TRIQK: variants seen among roughly 807,000 people sequenced by gnomAD.
TRIQK encodes triple QxxK/R motif-containing protein.
In TRIQK, 10 loss-of-function variants were observed where a neutral mutation model predicts 10.8. That is an observed-to-expected ratio of 0.92 (90% CI 0.57 to 1.57). The LOEUF (loss-of-function observed/expected upper bound fraction) is 1.57. Ranked by LOEUF, TRIQK falls within the 40% of genes most tolerant of loss-of-function variation. The probability of loss-of-function intolerance (pLI) is 0.00; values close to 1 mark genes in which losing one functional copy is unlikely to be tolerated. For synonymous variants in TRIQK, 33 were observed against 33.7 expected (o/e 0.98, Z 0.07); for missense variants, 107 against 97.7 (o/e 1.09, Z -0.40).
intron 4 of TRIQK, among the ~76,000 whole-genome samples, chr8:92,891,555 T>C (rs753791652): frequency 4.6e-5 from 7 of 151,868 alleles, no homozygotes; most frequent in African/African-American, 9.7e-5. Flanking sequence ...TATAATTTCA[T>C]CAGAGAGTAC....
intron 1 of TRIQK, among the ~76,000 whole-genome samples, chr8:92,985,307 G>A (rs1036337692): frequency 6.6e-6 from 1 of 152,200 alleles, no homozygotes; most frequent in African/African-American, 2.4e-5. Flanking sequence ...GGGAATGTCT[G>A]TAAAATTATT....
chr8:92,951,980 A>G (rs533982570), intron 2 of TRIQK, among the ~76,000 whole-genome samples: 1 of 152,074 alleles, frequency 6.6e-6, no homozygotes, highest in South Asian at 2.1e-4. Context: ...ATAGCTCCAT[A>G]CTTTACCACC....
chr8:92,971,160 G>A (rs930369462), intron 1 of TRIQK, among the ~76,000 whole-genome samples: 7 of 152,074 alleles, frequency 4.6e-5, no homozygotes, highest in African/African-American at 1.7e-4. Flanking sequence ...CTATGTGTCT[G>A]TTTTTGTACC....
At chr8:92,998,464 G>A (rs1026447957) in intron 1 of TRIQK, among the ~76,000 whole-genome samples, 1 of 152,000 alleles carries the variant, frequency 6.6e-6, no homozygotes, top group Non-Finnish European at 1.5e-5. Context: ...ATTAGTGTTA[G>A]CACAGTACAA....
intron 2 of TRIQK, among the ~76,000 whole-genome samples, chr8:92,931,718 A>C (rs1186351242): frequency 6.6e-6 from 1 of 152,182 alleles, no homozygotes; most frequent in Admixed American, 6.5e-5. Flanking sequence ...TTACCATCCA[A>C]GCCAGAACAC....
chr8:92,897,101 G>A (rs1051860986), intron 3 of TRIQK, among the ~76,000 whole-genome samples: 1 of 152,162 alleles, frequency 6.6e-6, no homozygotes, highest in South Asian at 2.1e-4. Flanking sequence ...ACAGGCATGA[G>A]CCACCATGCC....
intron 3 of TRIQK, among the ~76,000 whole-genome samples, chr8:92,898,138 A>C (rs1250450599): frequency 6.6e-6 from 1 of 152,106 alleles, no homozygotes; most frequent in Non-Finnish European, 1.5e-5. Flanking sequence ...CTTGTTGTTC[A>C]TTGTTTTTGT....
At chr8:92,886,988 T>C (rs1816517964) in intron 4 of TRIQK, 1 of 236,282 alleles carries the variant, frequency 4.2e-6, no homozygotes, top group Non-Finnish European at 8.1e-6. Context: ...GTTTTTTCCT[T>C]ATAGTAATAT....
intron 1 of TRIQK, among the ~76,000 whole-genome samples, chr8:92,989,650 G>T (rs1211946578): frequency 6.6e-6 from 1 of 152,114 alleles, no homozygotes; most frequent in Admixed American, 6.5e-5. Context: ...ACATTATGGT[G>T]AGTAACATAA....
Position 92,924,468 on chromosome 8 carries a change from C to T in TRIQK, c.-21-7458G>A, listed in dbSNP as rs76332847. 2.8e-4 allele frequency among the ~76,000 whole-genome samples: 42 copies of T among 152,020 alleles called. No individual in the cohort carries two copies. In the East Asian group the frequency reaches 8.1e-3, roughly 29 times the overall value. On this transcript the variant is annotated intron_variant, in intron 2 of 4. Transcript: ENST00000521988. ...GCTCATTCGTGTTTCCAGGAATTTA[C>T]TATGTTCTGCAATTTGCTTTAAATG...
chr8:92,913,382 T>C lies in TRIQK; in HGVS notation c.61+3547A>G, dbSNP rs555340181. Among the ~76,000 whole-genome samples the C allele has an allele frequency of 2.3e-4, 35 of 152,300 alleles. No individual in the cohort carries two copies. In the South Asian group the frequency reaches 6.6e-3, roughly 29 times the overall value. ...CATATGAAAAAAAGCTCAGCCTCAC[T>C]GGTCATTAGAGAAATGCAAATCAAA... On this transcript the variant is annotated intron_variant, in intron 3 of 4. Coordinates refer to ENST00000521988, the MANE Select transcript of TRIQK (RefSeq NM_001171797.2).
rs1169950371 is a variant in TRIQK, at chr8:92,914,002, G to A, written c.61+2927C>T. The stretch of plus-strand genomic sequence containing the variant: ...GGTGTAAGGGAAAGGATAGCATTAG[G>A]AGAAATACCTAATATAGATGACGGG... On this transcript the variant is annotated intron_variant, in intron 3 of 4. Coordinates refer to ENST00000521988, the MANE Select transcript of TRIQK (RefSeq NM_001171797.2). 3.3e-5 allele frequency among the ~76,000 whole-genome samples: 5 copies of A among 152,232 alleles called. 1 individual carries two copies. The highest frequency in any genetic ancestry group is 1.2e-4 in the African/African-American group (5 of 41,542).
upstream of TRIQK, among the ~76,000 whole-genome samples, chr8:92,967,892 A>G (rs1222613826): frequency 1.3e-5 from 2 of 151,438 alleles, no homozygotes; most frequent in Non-Finnish European, 2.9e-5. Context: ...TAATAAATAT[A>G]TAAATAAATG....
intron 2 of TRIQK, among the ~76,000 whole-genome samples, chr8:92,924,951 C>A (rs563435442): frequency 1.3e-4 from 20 of 152,122 alleles, no homozygotes; most frequent in African/African-American, 4.8e-4. Flanking sequence ...TTTATAGCCT[C>A]AGAAAAAGTA....
intron 3 of TRIQK, among the ~76,000 whole-genome samples, chr8:92,898,870 T>TATAC (rs1563616273): frequency 7.6e-6 from 1 of 131,666 alleles, no homozygotes; most frequent in African/African-American, 2.8e-5. Context: ...TATATATATA[T>TATAC]ATAGATGGGG....
At chr8:92,889,897 T>A (rs1236620625) in intron 4 of TRIQK, among the ~76,000 whole-genome samples, 2 of 151,734 alleles carry the variant, frequency 1.3e-5, no homozygotes, top group African/African-American at 2.4e-5. Flanking sequence ...TATCCATGCA[T>A]CTGTTCATAT....
At chr8:92,953,391 A>C (rs1435232114) in intron 2 of TRIQK, 1 of 152,020 alleles carries the variant, frequency 6.6e-6, no homozygotes, top group Non-Finnish European at 1.5e-5. Flanking sequence ...CTTATGAAGG[A>C]TAATGATAAT....
chr8:92,888,919 T>C (rs1279672343), intron 4 of TRIQK, among the ~76,000 whole-genome samples: 2 of 151,628 alleles, frequency 1.3e-5, no homozygotes, highest in African/African-American at 2.4e-5. Flanking sequence ...GGTATTTGCA[T>C]TCTGAAAAAA....
intron 2 of TRIQK, chr8:92,953,440 T>C (rs1812009035): frequency 6.6e-6 from 1 of 151,984 alleles, no homozygotes; most frequent in African/African-American, 2.4e-5. Flanking sequence ...GTTTAATAGA[T>C]AGTGATAAAA....
Sources: gnomAD v4.1 joint callset for allele counts (sites outside exome capture counted in the v4.1 genomes callset) on GRCh38, gnomAD v4.1.1 for gene constraint, MANE v1.5 for transcripts, NCBI Gene and HGNC (gene_info 2026-07-23, HGNC 2026-07-21) for gene names.